The following SPATA3 variants were observed in gnomAD, a reference collection of about 807,000 sequenced individuals.
SPATA3 encodes spermatogenesis-associated protein 3.
In SPATA3, 6 loss-of-function variants were observed where a neutral mutation model predicts 5.7. The ratio of observed to expected loss-of-function variants is 1.06; its 90% confidence interval spans 0.58 to 2.09. The LOEUF is 2.09. Ranked by LOEUF, SPATA3 falls within the 30% of genes most tolerant of loss-of-function variation. SPATA3 has a pLI of 0.00. For synonymous variants in SPATA3, 44 were observed against 48.4 expected (o/e 0.91, Z 0.37); for missense variants, 155 against 130.4 (o/e 1.19, Z -0.92).
intron 2 of SPATA3, among the ~76,000 whole-genome samples, chr2:231,001,717 C>T (rs1235550357): frequency 6.6e-6 from 1 of 152,220 alleles, no homozygotes; most frequent in African/African-American, 2.4e-5. Flanking sequence ...ATGCAGAGGA[C>T]ATGGGGCACT....
At chr2:231,000,260 C>T (rs1310118145) in intron 1 of SPATA3, 106 bp from the exon 2 acceptor site, 3 of 1,065,476 alleles carry the variant, frequency 2.8e-6, no homozygotes, top group Admixed American at 3.5e-5. Context: ...GGTAATCCTG[C>T]AGCTGCTGCC....
At chr2:231,016,427 C>T (rs772018654) in intron 6 of SPATA3, among the ~76,000 whole-genome samples, 17 of 147,922 alleles carry the variant, frequency 1.1e-4, no homozygotes, top group Non-Finnish European at 2.5e-4. Flanking sequence ...GTGGCTTACA[C>T]CCAAAATCCC....
chr2:231,003,601 T>C (rs924935084), downstream of SPATA3, among the ~76,000 whole-genome samples: 10 of 152,142 alleles, frequency 6.6e-5, no homozygotes, highest in African/African-American at 2.4e-4. Flanking sequence ...CTCCTCCTTG[T>C]CAGTGCTTTG....
At chr2:231,003,831 T>C (rs1202194109), downstream of SPATA3, among the ~76,000 whole-genome samples, 1 of 152,158 alleles carries the variant, frequency 6.6e-6, no homozygotes, top group Non-Finnish European at 1.5e-5. Flanking sequence ...GGTTCCTCTC[T>C]CCCAGTGGAG....
chr2:231,005,544 T>TCAC (rs1692586675), downstream of SPATA3, among the ~76,000 whole-genome samples: 3 of 47,774 alleles, frequency 6.3e-5, no homozygotes, highest in African/African-American at 7.8e-5. Flanking sequence ...ATCACCACCA[T>TCAC]CATCACCACC....
chr2:231,004,990 C>T (rs933334595), downstream of SPATA3, among the ~76,000 whole-genome samples: 97 of 95,490 alleles, frequency 1.0e-3, no homozygotes, highest in African/African-American at 3.8e-3. Context: ...TCCTCATCAC[C>T]ATCCTCACCA....
Position 231,001,094 on chromosome 2 carries a change from A to T in SPATA3, c.962+557A>T, listed in dbSNP as rs1692337012. ...CTCTTTCTGGGGGTCTCCACAGGGA[A>T]CATCTGCCCCCAGGCTGGTCTGTTG... On this transcript the variant is annotated intron_variant, in intron 2 of 2. Coordinates refer to ENST00000645363, the Ensembl canonical transcript of SPATA3. Among the ~76,000 whole-genome samples the T allele has an allele frequency of 5.3e-5, 8 of 152,140 alleles. No homozygotes were observed. The South Asian group carries it at 1.5e-3, about 28-fold the overall frequency.
Position 231,000,261 on chromosome 2 carries a change from A to C in SPATA3, c.791-105A>C, listed in dbSNP as rs568192772. 4 of 1,073,992 alleles carry C rather than the reference A, an allele frequency of 3.7e-6. No homozygotes were observed. In the East Asian group the frequency reaches 1.2e-4, roughly 32 times the overall value. The allele number at this position is 1,073,992 out of a possible 1,614,324, so 66.5% of individuals were successfully genotyped here. A position where few individuals can be genotyped will look rare whatever the true frequency, so the allele number is the denominator to read the frequency against. Reference sequence around the variant, plus strand: ...CCAGCGTTCGCCCTGGTAATCCTGCAGCTGCTGCCGTTGTGGGGGGCCTTC... The same window carrying C: ...CCAGCGTTCGCCCTGGTAATCCTGCCGCTGCTGCCGTTGTGGGGGGCCTTC... On this transcript the variant is annotated intron_variant, in intron 1 of 2. Transcript: ENST00000645363.
chr2:231,005,475 T>TCACCACCACCACCATCAC (rs1559197890), downstream of SPATA3, among the ~76,000 whole-genome samples: 7 of 15,674 alleles, frequency 4.5e-4, no homozygotes, highest in African/African-American at 1.8e-3. Context: ...ACCACCATCA[T>TCACCACCACCACCATCAC]CACCACCACC....
intron 1 of SPATA3, chr2:230,996,418 C>G (rs1002958794): frequency 6.4e-7 from 1 of 1,552,292 alleles, no homozygotes; most frequent in Middle Eastern, 1.7e-4. Flanking sequence ...AGCCTTGAAA[C>G]CACCTCCCGG....
chr2:231,001,095 C>T (rs1365152321), intron 2 of SPATA3, among the ~76,000 whole-genome samples: 1 of 152,192 alleles, frequency 6.6e-6, no homozygotes, highest in Non-Finnish European at 1.5e-5. Context: ...CCACAGGGAA[C>T]ATCTGCCCCC....
At chr2:231,009,637 C>A (rs1047658556), downstream of SPATA3, among the ~76,000 whole-genome samples, 1 of 152,196 alleles carries the variant, frequency 6.6e-6, no homozygotes, top group East Asian at 1.9e-4. Context: ...CCATAGGGAT[C>A]CCTCTTGAAG....
chr2:231,000,102 G>A (rs1810112), intron 1 of SPATA3, among the ~76,000 whole-genome samples: 43,986 of 151,962 alleles, frequency 0.29, 6,564 homozygotes, highest in Admixed American at 0.35. Context: ...CTACTCCCAG[G>A]TAGCACCAGT....
chr2:231,001,285 A>G (rs1002085301), intron 2 of SPATA3, among the ~76,000 whole-genome samples: 1 of 152,148 alleles, frequency 6.6e-6, no homozygotes, highest in African/African-American at 2.4e-5. Flanking sequence ...GGTTACATGC[A>G]TGGGCTGGGA....
intron 6 of SPATA3, among the ~76,000 whole-genome samples, chr2:231,017,578 A>G (rs4973371): frequency 0.39 from 59,817 of 152,198 alleles, 12,803 homozygotes; most frequent in African/African-American, 0.56. Flanking sequence ...CCTGTGAGTC[A>G]GATTTGGATT....
At chr2:231,001,409 C>A (rs139597359) in intron 2 of SPATA3, among the ~76,000 whole-genome samples, 1 of 152,144 alleles carries the variant, frequency 6.6e-6, no homozygotes, top group Non-Finnish European at 1.5e-5. Flanking sequence ...AACCCCCATC[C>A]TTGTCCTGTT....
chr2:230,999,278 T>G (rs926345459), intron 1 of SPATA3, among the ~76,000 whole-genome samples: 43 of 152,168 alleles, frequency 2.8e-4, no homozygotes, highest in Middle Eastern at 3.4e-3. Context: ...GGTTTCTTTT[T>G]GGGGAAATGA....
chr2:231,019,278 C>CT (rs982227778), intron 6 of SPATA3, among the ~76,000 whole-genome samples: 5 of 146,408 alleles, frequency 3.4e-5, no homozygotes, highest in African/African-American at 1.3e-4. Flanking sequence ...CTCGATTTTT[C>CT]TTTTTTTAAC....
chr2:231,005,439 TCAC>T (rs1223116726), downstream of SPATA3, among the ~76,000 whole-genome samples: 8 of 6,180 alleles, frequency 1.3e-3, no homozygotes, highest in African/African-American at 5.2e-3. Context: ...ACCACCACAA[TCAC>T]CACCATCACC....
Sources: allele counts gnomAD v4.1 joint callset (sites outside exome capture counted in the v4.1 genomes callset), GRCh38; gene constraint gnomAD v4.1.1; transcripts MANE v1.5; gene names NCBI Gene and HGNC (gene_info 2026-07-23, HGNC 2026-07-21).